DLGAP2: variants seen among roughly 807,000 people sequenced by gnomAD.
DLGAP2 encodes DLG associated protein 2, also known as disks large-associated protein 2.
A neutral mutation model predicts 100.3 loss-of-function variants in DLGAP2; 26 were observed. The observed-to-expected ratio is 0.26, with a 90% confidence interval of 0.19 to 0.36. The LOEUF (loss-of-function observed/expected upper bound fraction) is 0.36, where lower values mean the gene tolerates loss of function less well. Ranked by LOEUF, DLGAP2 falls within the 10% of genes least tolerant of loss-of-function variation. The pLI is 1.00. For missense variants in DLGAP2, 1,858 were observed against 1,453.2 expected (o/e 1.28, Z -4.53); for synonymous variants, 886 against 630.1 (o/e 1.41, Z -6.08).
In DLGAP2 at chr8:1,409,254, C is replaced by T. The variant is rs72507644; in HGVS notation, c.107-92112C>T. Among the ~76,000 whole-genome samples, 1,402 of 149,588 alleles carry T rather than the reference C, an allele frequency of 9.4e-3. 15 individuals carry two copies. The highest frequency in any genetic ancestry group is 0.029 in the East Asian group (138 of 4,812). On this transcript the variant is annotated intron_variant, in intron 3 of 14. Coordinates refer to ENST00000637795, the MANE Select transcript of DLGAP2 (RefSeq NM_001346810.2). Reference sequence around the variant, plus strand: ...GCCCATCTCCCCTTGGCAGCCCTGGCCCTGAGCACAGAATTGTCTAGACCA... The same window carrying T: ...GCCCATCTCCCCTTGGCAGCCCTGGTCCTGAGCACAGAATTGTCTAGACCA...
intron 3 of DLGAP2, among the ~76,000 whole-genome samples, chr8:1,469,513 G>A (rs991747694): frequency 2.0e-5 from 3 of 152,196 alleles, no homozygotes; most frequent in Admixed American, 1.3e-4. Flanking sequence ...GCAGCCTGGA[G>A]AGAGACGTCT....
At chr8:1,319,685 C>G (rs1291218625) in intron 3 of DLGAP2, among the ~76,000 whole-genome samples, 2 of 152,164 alleles carry the variant, frequency 1.3e-5, no homozygotes, top group South Asian at 2.1e-4. Flanking sequence ...GAAAGCCTCT[C>G]TGAGGAGTGC....
intron 2 of DLGAP2, among the ~76,000 whole-genome samples, chr8:1,221,468 C>G (rs1798313148): frequency 6.6e-6 from 1 of 152,196 alleles, no homozygotes; most frequent in Non-Finnish European, 1.5e-5. Context: ...GAAAGGTCCA[C>G]TGTTAGCCTG....
At chr8:1,570,810 T>C (rs56061494) in intron 6 of DLGAP2, among the ~76,000 whole-genome samples, 1 of 116,910 alleles carries the variant, frequency 8.6e-6, no homozygotes, top group Non-Finnish European at 1.7e-5. Flanking sequence ...GGGTGAACTG[T>C]GGGGATGTCT....
intron 2 of DLGAP2, among the ~76,000 whole-genome samples, chr8:1,237,210 G>A (rs1349074792): frequency 1.2e-4 from 17 of 136,898 alleles, no homozygotes; most frequent in African/African-American, 3.0e-4. Context: ...ACGTGGTGCC[G>A]TGTCTAGTTC....
chr8:1,326,018 T>C (rs1207146400), intron 3 of DLGAP2, among the ~76,000 whole-genome samples: 13 of 152,200 alleles, frequency 8.5e-5, no homozygotes, highest in Non-Finnish European at 1.2e-4. Flanking sequence ...CAGGACCCAG[T>C]GTAGAATGAA....
intron 3 of DLGAP2, among the ~76,000 whole-genome samples, chr8:1,497,209 CTCAG>C (rs1431314062): frequency 3.3e-5 from 5 of 152,198 alleles, no homozygotes; most frequent in Admixed American, 1.3e-4. Flanking sequence ...CCCAAGACTT[CTCAG>C]TCAAAGGCAC....
chr8:790,625 A>C (rs1476148696), intron 1 of DLGAP2, among the ~76,000 whole-genome samples: 1 of 152,124 alleles, frequency 6.6e-6, no homozygotes. Flanking sequence ...AATAATATTT[A>C]ATAATATTTG....
intron 1 of DLGAP2, among the ~76,000 whole-genome samples, chr8:868,616 G>A (rs949651446): frequency 2.0e-5 from 3 of 152,224 alleles, no homozygotes; most frequent in African/African-American, 7.2e-5. Context: ...TGCAGGTTAC[G>A]TTAGTGTCTG....
chr8:1,507,528 A>G (rs1302503064), intron 4 of DLGAP2, among the ~76,000 whole-genome samples: 1 of 151,926 alleles, frequency 6.6e-6, no homozygotes, highest in African/African-American at 2.4e-5. Flanking sequence ...CCCCGCAAGC[A>G]GAGGGAGCCG....
intron 1 of DLGAP2, among the ~76,000 whole-genome samples, chr8:820,995 T>C (rs1413879953): frequency 6.6e-6 from 1 of 152,196 alleles, no homozygotes; most frequent in Non-Finnish European, 1.5e-5. Context: ...TGGAAATGAA[T>C]AGGCAATTTA....
At chr8:1,110,070 AGGTCTGTGAGGTGTGCACG>A (rs1804899042) in intron 2 of DLGAP2, among the ~76,000 whole-genome samples, 1 of 90,868 alleles carries the variant, frequency 1.1e-5, no homozygotes, top group African/African-American at 4.5e-5. Flanking sequence ...ATGTGTGCAC[AGGTCTGTGAGGTGTGCACG>A]GGTCTGTGAG....
intron 2 of DLGAP2, among the ~76,000 whole-genome samples, chr8:975,449 G>C (rs941076833): frequency 1.3e-5 from 2 of 151,992 alleles, no homozygotes; most frequent in African/African-American, 4.8e-5. Flanking sequence ...TTAAAGAAAG[G>C]ATCACTGCAG....
chr8:1,298,208 A>G lies in DLGAP2; in HGVS notation c.106+39325A>G, dbSNP rs540740023. Among the ~76,000 whole-genome samples the G allele has an allele frequency of 5.9e-5, 9 of 152,304 alleles. No homozygotes were observed. The South Asian group carries it at 6.2e-4, about 11-fold the overall frequency. Reference sequence around the variant, plus strand: ...CGTGCATGAACGGACACCACGCGAGATAGGGAGGATTCAGGATGTGATCTT... The same window carrying G: ...CGTGCATGAACGGACACCACGCGAGGTAGGGAGGATTCAGGATGTGATCTT... On this transcript the variant is annotated intron_variant, in intron 3 of 14. Transcript: ENST00000637795.
At chr8:1,232,699 A>C (rs1025892178) in intron 2 of DLGAP2, among the ~76,000 whole-genome samples, 1 of 152,210 alleles carries the variant, frequency 6.6e-6, no homozygotes, top group African/African-American at 2.4e-5. Flanking sequence ...CCCTCTCAAC[A>C]CAAGACAAGG....
intron 1 of DLGAP2, among the ~76,000 whole-genome samples, chr8:850,026 G>A (rs547483469): frequency 6.8e-5 from 10 of 146,776 alleles, no homozygotes; most frequent in South Asian, 2.2e-4. Flanking sequence ...ATTGTGCCAC[G>A]CACTCCAGCC....
intron 5 of DLGAP2, 35 bp downstream of exon 5, chr8:1,549,718 G>T: frequency 2.7e-6 from 4 of 1,501,064 alleles, no homozygotes; most frequent in East Asian, 2.5e-5. Context: ...AGGCCGTCTC[G>T]GCACAGCAGG....
chr8:1,179,230 T>C (rs1054338136), intron 2 of DLGAP2, among the ~76,000 whole-genome samples: 1 of 152,236 alleles, frequency 6.6e-6, no homozygotes, highest in Middle Eastern at 3.2e-3. Context: ...ATTTGGGAGA[T>C]GGGATGGCTG....
intron 1 of DLGAP2, among the ~76,000 whole-genome samples, chr8:867,699 C>T (rs980952597): frequency 1.3e-5 from 2 of 152,186 alleles, no homozygotes; most frequent in African/African-American, 2.4e-5. Context: ...CACCTGGCCA[C>T]CTGTGCTTTC....
Sources: gnomAD v4.1 joint callset for allele counts (sites outside exome capture counted in the v4.1 genomes callset) on GRCh38, gnomAD v4.1.1 for gene constraint, MANE v1.5 for transcripts, NCBI Gene and HGNC (gene_info 2026-07-23, HGNC 2026-07-21) for gene names.